The following RMI1 variants were observed in gnomAD, a reference collection of about 807,000 sequenced individuals.
RMI1 encodes the protein RecQ mediated genome instability 1, also known as recQ-mediated genome instability protein 1.
RMI1 carries 36 observed loss-of-function variants against 46.7 expected under a neutral mutation model. The observed-to-expected ratio is 0.77, with a 90% confidence interval of 0.59 to 1.02. The LOEUF is 1.02. RMI1 is among the 50% of genes least tolerant of loss of function. RMI1 has a pLI of 0.00. For missense variants in RMI1, 676 were observed against 713.7 expected (o/e 0.95, Z 0.60); for synonymous variants, 250 against 252.9 (o/e 0.99, Z 0.11).
intron 1 of RMI1, among the ~76,000 whole-genome samples, chr9:83,982,592 C>T (rs1448094965): frequency 6.6e-6 from 1 of 152,002 alleles, no homozygotes; most frequent in East Asian, 1.9e-4. Flanking sequence ...GGCGTGAACC[C>T]GGAAGGCTGA....
chr9:83,985,987 C>T (rs905441768), intron 1 of RMI1, among the ~76,000 whole-genome samples: 15 of 151,216 alleles, frequency 9.9e-5, no homozygotes, highest in Admixed American at 1.3e-4. Flanking sequence ...CCAGCCTGGG[C>T]GACAGAGCAA....
At chr9:83,991,098 C>T (rs932152544) in intron 1 of RMI1, among the ~76,000 whole-genome samples, 7 of 152,098 alleles carry the variant, frequency 4.6e-5, no homozygotes, top group South Asian at 2.1e-4. Flanking sequence ...TGAGCTACTG[C>T]GCCTGGACGA....
intron 1 of RMI1, among the ~76,000 whole-genome samples, chr9:83,981,579 G>A (rs570562487): frequency 6.6e-6 from 1 of 152,246 alleles, no homozygotes; most frequent in South Asian, 2.1e-4. Flanking sequence ...GACAGCCCTG[G>A]GAAATCTCCA....
intron 1 of RMI1, among the ~76,000 whole-genome samples, chr9:83,982,446 A>G (rs1957428178): frequency 6.6e-6 from 1 of 151,962 alleles, no homozygotes; most frequent in South Asian, 2.1e-4. Context: ...GGCGGACCAC[A>G]AGGTCAGGAG....
At chr9:83,993,550 C>T (rs550494684) in intron 1 of RMI1, among the ~76,000 whole-genome samples, 51 of 152,028 alleles carry the variant, frequency 3.4e-4, no homozygotes, top group Admixed American at 1.8e-3. Flanking sequence ...TTTTTGAGGA[C>T]GCTCTATACT....
In RMI1 at chr9:84,002,025, C is replaced by A; in HGVS notation, c.1039C>A (p.Arg347=). The change falls in exon 3 of 3, where the codon CGA becomes AGA. Residue 347 remains arginine (R), a synonymous_variant. Coordinates refer to ENST00000445877, the MANE Select transcript of RMI1 (RefSeq NM_001358291.2). ...QPLTFNRNAD[R]SIERFSHNPN... ...ATTGACTTTTAACAGAAATGCCGATCGAAGTATAGAGAGATTTTCACATAA... is the reference window on the plus strand; with the variant it reads ...ATTGACTTTTAACAGAAATGCCGATAGAAGTATAGAGAGATTTTCACATAA... 6.2e-7 allele frequency: 1 copy of A among 1,613,838 alleles called. No homozygotes were observed. Among genetic ancestry groups the A allele is most frequent in the South Asian group, 1.1e-5 (1 of 91,032 alleles).
chr9:83,995,412 A>G (rs573407674), intron 1 of RMI1, among the ~76,000 whole-genome samples: 1 of 143,260 alleles, frequency 7.0e-6, no homozygotes, highest in African/African-American at 2.6e-5. Flanking sequence ...TTTTTTCCTC[A>G]TTGTGTAATA....
chr9:84,001,184 T>A lies in RMI1; in HGVS notation c.198T>A (p.His66Gln), dbSNP rs1282345337. ...WLLTDLRDLE[H>Q]PLLPDGILEI... ...TTACTGATCTGAGGGATTTGGAGCATCCTCTTTTACCCGATGGCATTTTAG... is the reference window on the plus strand; with the variant it reads ...TTACTGATCTGAGGGATTTGGAGCAACCTCTTTTACCCGATGGCATTTTAG... Residue 66 changes from histidine to glutamine, a missense_variant, in exon 3 of 3, where the codon CAT (histidine) becomes CAA (glutamine). Physicochemically the swap from His to Gln is conservative, Grantham distance 24 (BLOSUM62 0). Transcript: ENST00000445877. 6.2e-7 allele frequency: 1 copy of A among 1,614,162 alleles called. No individual in the cohort carries two copies. The highest frequency in any genetic ancestry group is 8.5e-7 in the Non-Finnish European group (1 of 1,180,000).
At chr9:83,991,524 C>T (rs1292069991) in intron 1 of RMI1, among the ~76,000 whole-genome samples, 2 of 152,036 alleles carry the variant, frequency 1.3e-5, no homozygotes, top group African/African-American at 4.8e-5. Context: ...TGCTATGTTG[C>T]CCAGGTTGCT....
intron 1 of RMI1, among the ~76,000 whole-genome samples, chr9:83,991,465 G>T (rs1052611984): frequency 6.6e-6 from 1 of 152,030 alleles, no homozygotes; most frequent in Non-Finnish European, 1.5e-5. Flanking sequence ...ACAAATGTAT[G>T]CCACCATACC....
chr9:83,996,116 T>C (rs934354140), intron 1 of RMI1, among the ~76,000 whole-genome samples: 1 of 152,216 alleles, frequency 6.6e-6, no homozygotes, highest in Admixed American at 6.5e-5. Context: ...CTGTGTGTGT[T>C]TTACCCTTTT....
At chr9:83,991,306 CTT>C (rs55692810) in intron 1 of RMI1, among the ~76,000 whole-genome samples, 1 of 141,034 alleles carries the variant, frequency 7.1e-6, no homozygotes, top group African/African-American at 2.6e-5. Flanking sequence ...TGTCATTTTT[CTT>C]TTTTTTTTTT....
intron 1 of RMI1, among the ~76,000 whole-genome samples, chr9:83,992,758 G>T (rs1957592948): frequency 6.6e-6 from 1 of 152,044 alleles, no homozygotes; most frequent in Non-Finnish European, 1.5e-5. Flanking sequence ...GCTATATATT[G>T]GCCTTATATC....
At chr9:83,981,649 A>T (rs1957400028) in intron 1 of RMI1, among the ~76,000 whole-genome samples, 1 of 152,170 alleles carries the variant, frequency 6.6e-6, no homozygotes, top group South Asian at 2.1e-4. Context: ...TCCGCCCACA[A>T]TCCCAAACTC....
Position 83,981,425 on chromosome 9 carries a change from C to CA in RMI1, c.-126+539dup, listed in dbSNP as rs1957390701. ...GCCTTGTGGCAGTGATGAAAACAGA[C>CA]AAAAACCCTTGCCCTCAAACGTGCT... On this transcript the variant is annotated intron_variant, in intron 1 of 2. Transcript: ENST00000445877. 3.3e-5 allele frequency among the ~76,000 whole-genome samples: 5 copies of CA among 152,366 alleles called. No individual in the cohort carries two copies. In the South Asian group the frequency reaches 1.0e-3, roughly 32 times the overall value.
chr9:83,982,666 T>TCAAAAA (rs901707758), intron 1 of RMI1, among the ~76,000 whole-genome samples: 5 of 151,098 alleles, frequency 3.3e-5, no homozygotes, highest in Non-Finnish European at 7.4e-5. Flanking sequence ...AGACCCTGTC[T>TCAAAAA]CAAAAACAAA....
chr9:83,992,953 G>A (rs1957595585), intron 1 of RMI1: 1 of 151,688 alleles, frequency 6.6e-6, no homozygotes, highest in Admixed American at 6.6e-5. Context: ...TTGCAGTGAT[G>A]TTTACAACTA....
At chr9:84,000,546 G>C (rs1269565408) in intron 2 of RMI1, among the ~76,000 whole-genome samples, 2 of 152,146 alleles carry the variant, frequency 1.3e-5, no homozygotes, top group African/African-American at 2.4e-5. Flanking sequence ...ATTCCCCATA[G>C]ATAAGGGAGG....
intron 1 of RMI1, among the ~76,000 whole-genome samples, chr9:83,991,936 T>C (rs914032509): frequency 2.0e-5 from 3 of 152,230 alleles, no homozygotes; most frequent in Admixed American, 1.3e-4. Context: ...ACTTTGTTTT[T>C]CTTTTTCAAA....
Sources: gnomAD v4.1 joint callset for allele counts (sites outside exome capture counted in the v4.1 genomes callset) on GRCh38, gnomAD v4.1.1 for gene constraint, MANE v1.5 for transcripts, NCBI Gene and HGNC (gene_info 2026-07-23, HGNC 2026-07-21) for gene names.